MARCHF1: variants seen among roughly 807,000 people sequenced by gnomAD.
The protein encoded by MARCHF1 is E3 ubiquitin-protein ligase MARCHF1.
MARCHF1 carries 40 observed loss-of-function variants against 54.2 expected under a neutral mutation model. The observed-to-expected ratio is 0.74, with a 90% CI of 0.57 to 0.96. MARCHF1 has a LOEUF of 0.96. Among genes scored for constraint, MARCHF1 ranks in the 40% least tolerant of loss-of-function variants. MARCHF1 has a pLI of 0.00. For synonymous variants in MARCHF1, 236 were observed against 236.3 expected (o/e 1.00, Z 0.01); for missense variants, 586 against 656.5 (o/e 0.89, Z 1.17).
intron 7 of MARCHF1, among the ~76,000 whole-genome samples, chr4:163,601,258 C>T (rs1355504): frequency 6.6e-6 from 1 of 151,692 alleles, no homozygotes; most frequent in African/African-American, 2.4e-5. Context: ...TATTTGGTAG[C>T]AACAAACACT....
At chr4:163,777,413 G>A (rs1395075350) in intron 4 of MARCHF1, among the ~76,000 whole-genome samples, 2 of 152,108 alleles carry the variant, frequency 1.3e-5, no homozygotes, top group African/African-American at 4.8e-5. Flanking sequence ...AAAGTCCCTT[G>A]TGACTTTTGC....
At chr4:164,287,576 G>A (rs760809987) in intron 1 of MARCHF1, among the ~76,000 whole-genome samples, 1 of 152,048 alleles carries the variant, frequency 6.6e-6, no homozygotes. Context: ...AACCCTAGTA[G>A]GATTTAAATG....
intron 5 of MARCHF1, among the ~76,000 whole-genome samples, chr4:163,650,217 A>C (rs1206063753): frequency 1.3e-5 from 2 of 152,012 alleles, no homozygotes; most frequent in Non-Finnish European, 2.9e-5. Context: ...ATAAGCATTT[A>C]CATCTTTTGA....
intron 8 of MARCHF1, among the ~76,000 whole-genome samples, chr4:163,554,601 A>G (rs1739223583): frequency 6.6e-6 from 1 of 152,220 alleles, no homozygotes; most frequent in Non-Finnish European, 1.5e-5. Context: ...GCTTGGGTCA[A>G]GTAACCTAAC....
intron 3 of MARCHF1, among the ~76,000 whole-genome samples, chr4:163,895,135 G>A (rs1560808360): frequency 6.6e-6 from 1 of 152,112 alleles, no homozygotes; most frequent in Non-Finnish European, 1.5e-5. Flanking sequence ...CTACAAGCAT[G>A]CATAGAATAC....
intron 1 of MARCHF1, among the ~76,000 whole-genome samples, chr4:164,275,438 C>T (rs1320728275): frequency 2.0e-5 from 3 of 151,970 alleles, no homozygotes; most frequent in Non-Finnish European, 4.4e-5. Context: ...TCTACTCTGA[C>T]ATTAGAATAA....
At chr4:163,601,331 A>C (rs1175387407) in intron 7 of MARCHF1, among the ~76,000 whole-genome samples, 1 of 152,114 alleles carries the variant, frequency 6.6e-6, no homozygotes, top group Non-Finnish European at 1.5e-5. Flanking sequence ...CATATAGGGA[A>C]TCTAAATTTA....
intron 3 of MARCHF1, among the ~76,000 whole-genome samples, chr4:163,924,382 A>C (rs955368254): frequency 2.0e-5 from 3 of 152,078 alleles, no homozygotes; most frequent in African/African-American, 7.2e-5. Flanking sequence ...GCAGACTTGC[A>C]TGTAAAATGT....
chr4:164,054,784 G>T (rs1312991892), intron 2 of MARCHF1, among the ~76,000 whole-genome samples: 10 of 111,350 alleles, frequency 9.0e-5, no homozygotes, highest in East Asian at 3.1e-4. Context: ...GTTGTGGGGT[G>T]GGGGGAGGGG....
rs1741377591 is a variant in MARCHF1, at chr4:163,612,542, G to C, written c.739C>G (p.Leu247Val). 2 of 1,535,530 alleles carry C rather than the reference G, an allele frequency of 1.3e-6. No homozygotes were observed. The highest frequency in any genetic ancestry group is 8.7e-7 in the Non-Finnish European group (1 of 1,146,548). ...HTRYQECNPSLTQGSSEIKRS... is the reference protein window; with the variant it reads ...HTRYQECNPSVTQGSSEIKRS... ...TTAATTTCAGAGGACCCTTGAGTCA[G>C]AGAAGGGTTGCATTCTTGGTACCTT... The change falls in exon 7 of 10, where the codon CTG becomes GTG. Residue 247 changes from leucine to valine, a missense_variant. Physicochemically the swap from Leu to Val is conservative, Grantham distance 32 (BLOSUM62 1). Transcript: ENST00000514618.
At chr4:164,008,284 A>G (rs1051193683) in intron 2 of MARCHF1, among the ~76,000 whole-genome samples, 1 of 152,146 alleles carries the variant, frequency 6.6e-6, no homozygotes. Flanking sequence ...ACAGAATATA[A>G]CAGTCATAAA....
intron 5 of MARCHF1, among the ~76,000 whole-genome samples, chr4:163,692,569 AGGGC>A (rs1744497271): frequency 1.4e-5 from 2 of 143,208 alleles, no homozygotes; most frequent in African/African-American, 2.6e-5. Context: ...GAGATACCAC[AGGGC>A]TGGATTATGG....
intron 2 of MARCHF1, among the ~76,000 whole-genome samples, chr4:164,101,318 T>A (rs9759819): frequency 0.84 from 123,057 of 146,728 alleles, 52,162 homozygotes; most frequent in Non-Finnish European, 0.89. Flanking sequence ...CAGGGCACAG[T>A]CAAACAAAAA....
intron 4 of MARCHF1, among the ~76,000 whole-genome samples, chr4:163,802,894 T>C (rs1249963235): frequency 1.3e-5 from 2 of 152,208 alleles, no homozygotes; most frequent in Non-Finnish European, 2.9e-5. Flanking sequence ...ACTATTCTAA[T>C]AGTGATTTAG....
chr4:164,125,435 T>G lies in MARCHF1; in HGVS notation c.-322-13773A>C, dbSNP rs2321305. 3.4e-3 allele frequency among the ~76,000 whole-genome samples: 522 copies of G among 152,026 alleles called. 4 individuals carry two copies. The highest frequency in any genetic ancestry group is 0.012 in the African/African-American group (488 of 41,452). ...AGCACATGAGACACAATATACTTCA[T>G]TGAGGACCAAGTTTAAGTTAAGAAA... On this transcript the variant is annotated intron_variant, in intron 1 of 9. Coordinates refer to ENST00000514618, the MANE Select transcript of MARCHF1 (RefSeq NM_001394959.1).
chr4:164,242,341 C>T (rs1732795048), intron 1 of MARCHF1, among the ~76,000 whole-genome samples: 1 of 147,216 alleles, frequency 6.8e-6, no homozygotes, highest in African/African-American at 2.5e-5. Flanking sequence ...AGCAGCCTAA[C>T]TGGGAGGCAA....
At chr4:163,942,935 A>T (rs1201390179) in intron 3 of MARCHF1, among the ~76,000 whole-genome samples, 1 of 140,196 alleles carries the variant, frequency 7.1e-6, no homozygotes, top group Non-Finnish European at 1.6e-5. Flanking sequence ...CTCTCTTCCA[A>T]AAAAAAAAAA....
At chr4:164,270,897 G>A (rs1257433103) in intron 1 of MARCHF1, among the ~76,000 whole-genome samples, 1 of 152,046 alleles carries the variant, frequency 6.6e-6, no homozygotes, top group Non-Finnish European at 1.5e-5. Context: ...AGACCAAAGG[G>A]CCAAAATAGT....
chr4:163,784,348 C>A (rs909015113), intron 4 of MARCHF1, among the ~76,000 whole-genome samples: 2 of 152,030 alleles, frequency 1.3e-5, no homozygotes, highest in Non-Finnish European at 2.9e-5. Flanking sequence ...ATTATGTAGT[C>A]AACACACATT....
Sources: allele counts gnomAD v4.1 joint callset (sites outside exome capture counted in the v4.1 genomes callset), GRCh38; gene constraint gnomAD v4.1.1; transcripts MANE v1.5; gene names NCBI Gene and HGNC (gene_info 2026-07-23, HGNC 2026-07-21).